Variants in DNM3 observed in about 807,000 individuals in gnomAD.
The protein encoded by DNM3 is dynamin 3.
In DNM3, 47 loss-of-function variants were observed where a neutral mutation model predicts 101.6. That is an observed-to-expected ratio of 0.46 (90% CI 0.37 to 0.59). DNM3 has a LOEUF of 0.59. Ranked by LOEUF, DNM3 falls within the 20% of genes least tolerant of loss-of-function variation. DNM3 has a pLI of 0.00. For synonymous variants in DNM3, 385 were observed against 387.9 expected, an observed-to-expected ratio of 0.99 and a Z score of 0.09; for missense variants, 849 against 1,085.7, an observed-to-expected ratio of 0.78 and a Z score of 3.06.
chr1:172,372,729 G>T (rs889063859), intron 17 of DNM3, among the ~76,000 whole-genome samples: 1 of 127,790 alleles, frequency 7.8e-6, no homozygotes, highest in Non-Finnish European at 1.6e-5. Context: ...TGTCACCCAG[G>T]CTGAAGTGCA....
At chr1:172,357,349 C>G (rs770783662) in intron 17 of DNM3, among the ~76,000 whole-genome samples, 1 of 152,014 alleles carries the variant, frequency 6.6e-6, no homozygotes, top group Non-Finnish European at 1.5e-5. Context: ...CCATCTTAAC[C>G]AAATGATCAA....
chr1:172,106,392 G>T (rs554221027), intron 13 of DNM3, among the ~76,000 whole-genome samples: 2 of 152,196 alleles, frequency 1.3e-5, no homozygotes, highest in South Asian at 4.2e-4. Context: ...CTGTACTCCA[G>T]CCTGGGAGAC....
Position 172,190,792 on chromosome 1 carries a change from C to T in DNM3, c.1659+59504C>T, listed in dbSNP as rs563833129. ...TGATGATGAGCATTTTTTCATGTGT[C>T]TGTTGGTGGCACAAATGTCTTCTTT... On this transcript the variant is annotated intron_variant, in intron 14 of 20. Coordinates refer to ENST00000627582, the MANE Select transcript of DNM3 (RefSeq NM_015569.5). Among the ~76,000 whole-genome samples the T allele has an allele frequency of 2.2e-4, 34 of 152,226 alleles. No individual in the cohort carries two copies. In the South Asian group the frequency reaches 5.2e-3, roughly 23 times the overall value.
At chr1:171,876,802 T>A (rs2035829324) in intron 1 of DNM3, among the ~76,000 whole-genome samples, 1 of 152,240 alleles carries the variant, frequency 6.6e-6, no homozygotes. Context: ...AGTGGTAGTT[T>A]GAAATAGGAA....
At chr1:171,878,452 A>G (rs2035970592) in intron 1 of DNM3, among the ~76,000 whole-genome samples, 1 of 152,126 alleles carries the variant, frequency 6.6e-6, no homozygotes, top group Non-Finnish European at 1.5e-5. Flanking sequence ...TTATTCATAA[A>G]AAATTATTGT....
chr1:172,351,068 G>A (rs917700647), intron 17 of DNM3, among the ~76,000 whole-genome samples: 3 of 152,096 alleles, frequency 2.0e-5, no homozygotes, highest in African/African-American at 7.2e-5. Flanking sequence ...TTTCTGATCA[G>A]ACCTGTGTTG....
chr1:172,025,069 C>T (rs1004320731), intron 4 of DNM3, among the ~76,000 whole-genome samples: 19 of 152,322 alleles, frequency 1.2e-4, no homozygotes, highest in African/African-American at 2.2e-4. Context: ...TTCTCACTGC[C>T]AGCACAGCAG....
At chr1:172,027,511 G>A (rs2048293114) in intron 4 of DNM3, among the ~76,000 whole-genome samples, 1 of 151,942 alleles carries the variant, frequency 6.6e-6, no homozygotes, top group African/African-American at 2.4e-5. Context: ...AACCCGGGAG[G>A]CAGAGGTGGC....
At chr1:171,987,232 G>T (rs1171238400) in intron 2 of DNM3, 5 of 880,726 alleles carry the variant, frequency 5.7e-6, no homozygotes, top group Admixed American at 6.2e-5. Context: ...GCCTTCTGAA[G>T]ATATATTTAT....
At chr1:171,896,091 C>CTT (rs1193810424) in intron 1 of DNM3, among the ~76,000 whole-genome samples, 1 of 152,140 alleles carries the variant, frequency 6.6e-6, no homozygotes, top group Non-Finnish European at 1.5e-5. Flanking sequence ...CAACTTTGTT[C>CTT]TTTTTGCTTA....
chr1:172,286,490 G>A (rs1039446884), intron 15 of DNM3, among the ~76,000 whole-genome samples: 1 of 152,214 alleles, frequency 6.6e-6, no homozygotes, highest in African/African-American at 2.4e-5. Flanking sequence ...TGCCCAAGTA[G>A]ACACATGACC....
intron 15 of DNM3, among the ~76,000 whole-genome samples, chr1:172,269,283 C>T (rs1305656067): frequency 6.6e-6 from 1 of 152,204 alleles, no homozygotes. Flanking sequence ...AGAGCAAACA[C>T]ATTGCCCTCT....
chr1:171,979,944 T>C (rs1269467281), intron 2 of DNM3, among the ~76,000 whole-genome samples: 1 of 152,198 alleles, frequency 6.6e-6, no homozygotes, highest in Non-Finnish European at 1.5e-5. Context: ...CTACTTTGCC[T>C]TGAGAGTACC....
chr1:172,127,421 A>G lies in DNM3; in HGVS notation c.1546-3754A>G, dbSNP rs1021550206. Among the ~76,000 whole-genome samples, 6 of 146,848 alleles carry G rather than the reference A, an allele frequency of 4.1e-5. No homozygotes were observed. The East Asian group carries it at 5.9e-4, about 14-fold the overall frequency. On this transcript the variant is annotated intron_variant, in intron 13 of 20. Transcript: ENST00000627582. ...TATTATTATTATTATTATTATTATT[A>G]TTATTGAGGCAGAGTCTCTCTCTGT...
At chr1:172,147,204 G>A (rs1481249293) in intron 14 of DNM3, among the ~76,000 whole-genome samples, 1 of 152,084 alleles carries the variant, frequency 6.6e-6, no homozygotes, top group Non-Finnish European at 1.5e-5. Context: ...CCCTCAAAAA[G>A]CTCACACTTA....
At chr1:171,927,446 T>A (rs1466391954) in intron 2 of DNM3, among the ~76,000 whole-genome samples, 2 of 152,192 alleles carry the variant, frequency 1.3e-5, no homozygotes, top group African/African-American at 4.8e-5. Context: ...TCCTTCTTTG[T>A]GTTCAAAAAT....
intron 1 of DNM3, among the ~76,000 whole-genome samples, chr1:171,861,391 AC>A (rs1286141568): frequency 6.6e-6 from 1 of 152,178 alleles, no homozygotes; most frequent in African/African-American, 2.4e-5. Flanking sequence ...ATATACACAT[AC>A]TAAATGAATG....
intron 14 of DNM3, among the ~76,000 whole-genome samples, chr1:172,174,372 A>C (rs988102968): frequency 1.3e-5 from 2 of 151,594 alleles, no homozygotes; most frequent in African/African-American, 4.8e-5. Context: ...TGAACTGTGG[A>C]TCCATCGTGA....
At chr1:171,935,209 A>G (rs2041313309) in intron 2 of DNM3, among the ~76,000 whole-genome samples, 1 of 152,102 alleles carries the variant, frequency 6.6e-6, no homozygotes, top group African/African-American at 2.4e-5. Flanking sequence ...CTAATTTCCA[A>G]CACAATGCCT....
Sources: gnomAD v4.1 joint callset for allele counts (sites outside exome capture counted in the v4.1 genomes callset) on GRCh38, gnomAD v4.1.1 for gene constraint, MANE v1.5 for transcripts, NCBI Gene and HGNC (gene_info 2026-07-23, HGNC 2026-07-21) for gene names.